Variants in PLXDC2 observed in about 807,000 individuals in gnomAD.
The protein encoded by PLXDC2 is plexin domain-containing protein 2.
Under a neutral mutation model 68.9 loss-of-function variants are expected in PLXDC2, and 40 were observed. The observed-to-expected ratio is 0.58, with a 90% CI of 0.45 to 0.76. The LOEUF is 0.76. PLXDC2 is among the 30% of genes least tolerant of loss of function. The probability of loss-of-function intolerance (pLI) is 0.00; values close to 1 mark genes in which losing one functional copy is unlikely to be tolerated. For missense variants in PLXDC2, 644 were observed against 661.9 expected (o/e 0.97, Z 0.30); for synonymous variants, 243 against 234.2 (o/e 1.04, Z -0.34).
At chr10:19,914,149 G>A (rs1206012486) in intron 1 of PLXDC2, among the ~76,000 whole-genome samples, 2 of 150,806 alleles carry the variant, frequency 1.3e-5, no homozygotes, top group East Asian at 3.9e-4. Flanking sequence ...AAGGAAGGAA[G>A]GAAGGAAGGA....
At chr10:19,889,837 G>A (rs145989141) in intron 1 of PLXDC2, among the ~76,000 whole-genome samples, 95 of 152,234 alleles carry the variant, frequency 6.2e-4, no homozygotes, top group African/African-American at 2.1e-3. Flanking sequence ...AGGGCTAATC[G>A]TGTAGGCACT....
At chr10:20,176,849 A>G (rs2131826030) in intron 7 of PLXDC2, 150 bp from the exon 8 acceptor site, 2 of 581,794 alleles carry the variant, frequency 3.4e-6, no homozygotes, top group Non-Finnish European at 5.9e-6. Flanking sequence ...TGATTTTTAC[A>G]TATTTTGTAA....
intron 1 of PLXDC2, among the ~76,000 whole-genome samples, chr10:19,951,968 G>A (rs1833999120): frequency 6.6e-6 from 1 of 151,768 alleles, no homozygotes; most frequent in Non-Finnish European, 1.5e-5. Flanking sequence ...ACATAAAGAT[G>A]GCAACAGTAG....
chr10:20,246,569 C>T (rs189958144), intron 13 of PLXDC2, among the ~76,000 whole-genome samples: 3 of 152,298 alleles, frequency 2.0e-5, no homozygotes, highest in Non-Finnish European at 4.4e-5. Flanking sequence ...AGACTGGTCT[C>T]AAACTCCTGA....
At chr10:19,849,204 T>A (rs1332233374) in intron 1 of PLXDC2, among the ~76,000 whole-genome samples, 1 of 152,160 alleles carries the variant, frequency 6.6e-6, no homozygotes, top group Non-Finnish European at 1.5e-5. Context: ...AAATAAAAAA[T>A]AAATAACAAT....
rs895640665 is a variant in PLXDC2 at position 20,243,525 on chromosome 10, C to T, written c.1313-1820C>T. 4.6e-5 allele frequency among the ~76,000 whole-genome samples: 7 copies of T among 152,068 alleles called. No individual in the cohort carries two copies. The South Asian group carries it at 1.5e-3, about 32-fold the overall frequency. On this transcript the variant is annotated intron_variant, in intron 12 of 13. Coordinates refer to ENST00000377252, the MANE Select transcript of PLXDC2 (RefSeq NM_032812.9). Reference sequence around the variant, plus strand: ...TGGTTCTCAAGCAAAGAGTAAACAACAGCAATAAAAACGTAGAGGGGAGGT... The same window carrying T: ...TGGTTCTCAAGCAAAGAGTAAACAATAGCAATAAAAACGTAGAGGGGAGGT...
chr10:20,067,362 G>A (rs1836228836), intron 3 of PLXDC2, among the ~76,000 whole-genome samples: 1 of 152,054 alleles, frequency 6.6e-6, no homozygotes, highest in African/African-American at 2.4e-5. Context: ...TGCTAAATTT[G>A]GAGAGCTGAT....
At chr10:20,251,455 G>A (rs189788354) in intron 13 of PLXDC2, among the ~76,000 whole-genome samples, 11 of 152,076 alleles carry the variant, frequency 7.2e-5, no homozygotes, top group Admixed American at 2.6e-4. Flanking sequence ...TTTTGGAAGG[G>A]TCAATATATC....
rs531898379 is a variant in PLXDC2, at chr10:20,135,955, C to G, written c.542-7340C>G. Among the ~76,000 whole-genome samples, 3 of 152,174 alleles carry G rather than the reference C, an allele frequency of 2.0e-5. No individual in the cohort carries two copies. The East Asian group carries it at 5.8e-4, about 29-fold the overall frequency. On this transcript the variant is annotated intron_variant, in intron 4 of 13. Transcript: ENST00000377252. ...TGATTGACAATATTATAGTTTGCTT[C>G]CTAAGAACTGATGGATATATTTTAA...
At chr10:19,981,256 C>G (rs1239774218) in intron 1 of PLXDC2, among the ~76,000 whole-genome samples, 1 of 152,122 alleles carries the variant, frequency 6.6e-6, no homozygotes, top group Admixed American at 6.5e-5. Flanking sequence ...ATTGAAGAGA[C>G]AAAGCAATTT....
At chr10:20,175,910 C>T (rs975693499) in intron 7 of PLXDC2, among the ~76,000 whole-genome samples, 30 of 152,108 alleles carry the variant, frequency 2.0e-4, no homozygotes, top group African/African-American at 7.2e-4. Context: ...TCAGTACAGG[C>T]ATTTCAAGAG....
chr10:19,890,426 A>G (rs1268024871), intron 1 of PLXDC2, among the ~76,000 whole-genome samples: 1 of 151,704 alleles, frequency 6.6e-6, no homozygotes, highest in African/African-American at 2.4e-5. Context: ...AGTGGTCCTC[A>G]GTGCCTATTG....
At chr10:20,266,622 G>T (rs888000863) in intron 13 of PLXDC2, among the ~76,000 whole-genome samples, 1 of 152,140 alleles carries the variant, frequency 6.6e-6, no homozygotes, top group East Asian at 1.9e-4. Flanking sequence ...GTAAATAACC[G>T]GAGATTAGGA....
At chr10:19,837,130 T>C (rs1813983254) in intron 1 of PLXDC2, among the ~76,000 whole-genome samples, 1 of 152,004 alleles carries the variant, frequency 6.6e-6, no homozygotes, top group Non-Finnish European at 1.5e-5. Flanking sequence ...ACAGTTGTTT[T>C]ATAAGATTGT....
chr10:19,995,105 G>A (rs912222819), intron 1 of PLXDC2, among the ~76,000 whole-genome samples: 2 of 152,072 alleles, frequency 1.3e-5, no homozygotes, highest in South Asian at 2.1e-4. Context: ...TGCTTGTATT[G>A]ATGGGACAAA....
intron 2 of PLXDC2, among the ~76,000 whole-genome samples, chr10:20,025,204 C>A (rs1179843642): frequency 6.6e-6 from 1 of 152,028 alleles, no homozygotes; most frequent in African/African-American, 2.4e-5. Context: ...ATTTACATTA[C>A]CACCAACAGA....
chr10:19,854,656 A>C (rs964034413), intron 1 of PLXDC2, among the ~76,000 whole-genome samples: 4 of 152,144 alleles, frequency 2.6e-5, no homozygotes, highest in Non-Finnish European at 5.9e-5. Flanking sequence ...GTTAAAAAAA[A>C]CCTCAGTTCC....
intron 4 of PLXDC2, among the ~76,000 whole-genome samples, chr10:20,085,036 T>C (rs1833171935): frequency 6.6e-6 from 1 of 151,914 alleles, no homozygotes; most frequent in Non-Finnish European, 1.5e-5. Context: ...GGCACAACCC[T>C]CGGGTCAAGG....
chr10:19,869,472 G>C (rs958755647), intron 1 of PLXDC2, among the ~76,000 whole-genome samples: 9 of 127,014 alleles, frequency 7.1e-5, no homozygotes, highest in Non-Finnish European at 1.3e-4. Context: ...AGAGAAAGGG[G>C]GGGGGGGGAG....
Sources: gnomAD v4.1 joint callset for allele counts (sites outside exome capture counted in the v4.1 genomes callset) on GRCh38, gnomAD v4.1.1 for gene constraint, MANE v1.5 for transcripts, NCBI Gene and HGNC (gene_info 2026-07-23, HGNC 2026-07-21) for gene names.